The following IMMP1L variants were observed in gnomAD, a reference collection of about 807,000 sequenced individuals.
IMMP1L encodes mitochondrial inner membrane protease subunit 1.
In IMMP1L, 24 loss-of-function variants were observed where a neutral mutation model predicts 21.8. The observed-to-expected ratio is 1.10, with a 90% confidence interval of 0.80 to 1.55. IMMP1L has a LOEUF of 1.55. Among genes scored for constraint, IMMP1L ranks in the 40% most tolerant of loss-of-function variants. IMMP1L has a pLI of 0.00. For missense variants in IMMP1L, 195 were observed against 200.7 expected, an observed-to-expected ratio of 0.97 and a Z score of 0.17; for synonymous variants, 46 against 62.8, an observed-to-expected ratio of 0.73 and a Z score of 1.26.
rs1440340510 is a variant in IMMP1L, at chr11:31,509,613, C to T, written c.-124G>A. 3.0e-6 allele frequency: 2 copies of T among 675,370 alleles called. No homozygotes were observed. The highest frequency in any genetic ancestry group is 5.0e-6 in the Non-Finnish European group (2 of 403,282). The allele number at this position is 675,370 out of a possible 1,614,324, so 41.8% of individuals were successfully genotyped here. A position where few individuals can be genotyped will look rare whatever the true frequency, so the allele number is the denominator to read the frequency against. On this transcript the variant is annotated 5_prime_UTR_variant, in exon 1 of 6. Coordinates refer to ENST00000532287, the MANE Select transcript of IMMP1L (RefSeq NM_001304274.2). ...CGAAGTCGACCGTCCTTTCGTAGGG[C>T]GCACTTTTCAGCAATACGCCTTCCG...
At position 31,432,441 on chromosome 11, in the gene IMMP1L, G is replaced by A. The variant is rs554318172; in HGVS notation, c.*59C>T. The A allele has an allele frequency of 5.9e-5, 68 of 1,155,344 alleles. No homozygotes were observed. Among genetic ancestry groups the A allele is most frequent in the Admixed American group, 2.2e-4 (13 of 58,844 alleles). The allele number at this position is 1,155,344 out of a possible 1,614,324, so 71.6% of individuals were successfully genotyped here. A position where few individuals can be genotyped will look rare whatever the true frequency, so the allele number is the denominator to read the frequency against. On this transcript the variant is annotated 3_prime_UTR_variant, in exon 6 of 6. Coordinates refer to ENST00000532287, the MANE Select transcript of IMMP1L (RefSeq NM_001304274.2). ...TTATTGGTAAGTACACGGTTTCAAC[G>A]GGAGTAATAAATTCACATGAAAAGG...
intron 1 of IMMP1L, among the ~76,000 whole-genome samples, chr11:31,505,472 G>A (rs1955748443): frequency 6.6e-6 from 1 of 152,152 alleles, no homozygotes; most frequent in East Asian, 1.9e-4. Context: ...ACTGACATTA[G>A]GCAATCTGGC....
At chr11:31,459,732 A>C (rs1432879315) in intron 3 of IMMP1L, among the ~76,000 whole-genome samples, 2 of 152,078 alleles carry the variant, frequency 1.3e-5, no homozygotes, top group East Asian at 3.9e-4. Flanking sequence ...GCCTGCTGTG[A>C]AATAGGACTT....
intron 1 of IMMP1L, among the ~76,000 whole-genome samples, chr11:31,495,796 T>C (rs1173145321): frequency 6.6e-6 from 1 of 152,140 alleles, no homozygotes; most frequent in Admixed American, 6.5e-5. Flanking sequence ...ACACATGGTA[T>C]TGAGAAAACT....
chr11:31,459,816 T>C (rs1402351265), intron 3 of IMMP1L, among the ~76,000 whole-genome samples: 4 of 152,182 alleles, frequency 2.6e-5, no homozygotes, highest in Non-Finnish European at 5.9e-5. Context: ...AGACTCATAA[T>C]ATATACAATT....
intron 1 of IMMP1L, among the ~76,000 whole-genome samples, chr11:31,483,747 A>C (rs1307940515): frequency 1.3e-5 from 2 of 151,996 alleles, no homozygotes; most frequent in African/African-American, 2.4e-5. Flanking sequence ...GTTAATCATG[A>C]ATGTGTATTA....
At position 31,432,510 on chromosome 11, in the gene IMMP1L, G is replaced by A. The variant is rs1184908167; in HGVS notation, c.491C>T (p.Ser164Phe). 3 of 1,610,986 alleles carry A rather than the reference G, an allele frequency of 1.9e-6. No individual in the cohort carries two copies. The highest frequency in any genetic ancestry group is 2.2e-5 in the South Asian group (2 of 90,974). Residue 164 changes from serine to phenylalanine, a missense_variant, in exon 6 of 6, where the codon TCT (serine) becomes TTT (phenylalanine). Physicochemically the swap from Ser to Phe is radical, Grantham distance 155. Coordinates refer to ENST00000532287, the MANE Select transcript of IMMP1L (RefSeq NM_001304274.2). Reference protein sequence around the residue: ...LRASPNGHRFSDD With the variant: ...LRASPNGHRFFDD ...AAGAATAAATGCTTACTAATCATCA[G>A]AAAATCTGTGGCCATTAGGGCTGGC...
intron 1 of IMMP1L, among the ~76,000 whole-genome samples, chr11:31,505,286 A>G (rs1243228954): frequency 6.6e-6 from 1 of 152,238 alleles, no homozygotes; most frequent in Non-Finnish European, 1.5e-5. Flanking sequence ...GGAAAAAATA[A>G]AAAATAAAAA....
At chr11:31,480,769 A>C (rs1954869488) in intron 1 of IMMP1L, among the ~76,000 whole-genome samples, 1 of 152,022 alleles carries the variant, frequency 6.6e-6, no homozygotes. Context: ...CACACACACA[A>C]AAGCAAAATA....
chr11:31,455,823 C>T (rs1191142242), intron 4 of IMMP1L, among the ~76,000 whole-genome samples: 1 of 152,002 alleles, frequency 6.6e-6, no homozygotes, highest in African/African-American at 2.4e-5. Flanking sequence ...CCTGCAAGTG[C>T]CCTTCTTGGT....
chr11:31,466,329 T>C (rs1954345512), intron 1 of IMMP1L, among the ~76,000 whole-genome samples: 1 of 152,018 alleles, frequency 6.6e-6, no homozygotes, highest in Admixed American at 6.6e-5. Context: ...AGTACAGTCA[T>C]GGAAAACAGT....
At chr11:31,456,060 T>C (rs1005079787) in intron 4 of IMMP1L, among the ~76,000 whole-genome samples, 200 bp downstream of exon 4, 3 of 152,254 alleles carry the variant, frequency 2.0e-5, no homozygotes, top group African/African-American at 7.2e-5. Flanking sequence ...ATTACTAAGA[T>C]GTTTATGCAG....
intron 4 of IMMP1L, among the ~76,000 whole-genome samples, chr11:31,454,307 T>G (rs1953859801): frequency 6.6e-6 from 1 of 151,798 alleles, no homozygotes; most frequent in Non-Finnish European, 1.5e-5. Flanking sequence ...GTTAACAATA[T>G]TGTGTTGTGT....
intron 4 of IMMP1L, among the ~76,000 whole-genome samples, chr11:31,454,878 C>T (rs1351952045): frequency 2.0e-5 from 3 of 152,136 alleles, no homozygotes; most frequent in Non-Finnish European, 4.4e-5. Context: ...TTCAAGTACA[C>T]ACATGATGCT....
chr11:31,477,196 A>G (rs992436708), intron 1 of IMMP1L: 1 of 152,184 alleles, frequency 6.6e-6, no homozygotes, highest in Admixed American at 6.5e-5. Flanking sequence ...ATGACGAAAC[A>G]TATTATTTCA....
chr11:31,452,770 G>C (rs1953799005), intron 4 of IMMP1L: 2 of 1,003,282 alleles, frequency 2.0e-6, no homozygotes, highest in Non-Finnish European at 2.4e-6. Context: ...CTTTTCTTGA[G>C]ACGGAGTTTC....
intron 4 of IMMP1L, among the ~76,000 whole-genome samples, chr11:31,455,503 C>A (rs1274044571): frequency 6.6e-6 from 1 of 152,126 alleles, no homozygotes; most frequent in Non-Finnish European, 1.5e-5. Context: ...CTTTTTCTAG[C>A]TGTACAGGCA....
intron 4 of IMMP1L, among the ~76,000 whole-genome samples, chr11:31,445,305 G>A (rs955169641): frequency 2.6e-5 from 4 of 152,028 alleles, no homozygotes; most frequent in Admixed American, 6.6e-5. Context: ...AGTTTTATTC[G>A]TGGCACTCCA....
chr11:31,477,540 T>A (rs969981110), intron 1 of IMMP1L: 9 of 985,140 alleles, frequency 9.1e-6, no homozygotes, highest in Non-Finnish European at 1.1e-5. Flanking sequence ...TTAATCACAG[T>A]TAGCAGGGCA....
Sources: allele counts gnomAD v4.1 joint callset (sites outside exome capture counted in the v4.1 genomes callset), GRCh38; gene constraint gnomAD v4.1.1; transcripts MANE v1.5; gene names NCBI Gene and HGNC (gene_info 2026-07-23, HGNC 2026-07-21).